Variants in SGMS2 observed in about 807,000 individuals in gnomAD.
SGMS2 encodes phosphatidylcholine:ceramide cholinephosphotransferase 2.
Under a neutral mutation model 43.8 loss-of-function variants are expected in SGMS2, and 21 were observed. That is an observed-to-expected ratio of 0.48 (90% confidence interval 0.34 to 0.69). The LOEUF (loss-of-function observed/expected upper bound fraction) is 0.69, where lower values mean the gene tolerates loss of function less well. Ranked by LOEUF, SGMS2 falls within the 30% of genes least tolerant of loss-of-function variation. The pLI is 0.01. For missense variants in SGMS2, 384 were observed against 443.2 expected (o/e 0.87, Z 1.20); for synonymous variants, 167 against 160.6 (o/e 1.04, Z -0.30).
intron 2 of SGMS2, chr4:107,863,649 G>C (rs1361294031): frequency 1.3e-5 from 2 of 152,188 alleles, no homozygotes; most frequent in Non-Finnish European, 2.9e-5. Context: ...CGATCATGGA[G>C]CATTGCTTTA....
intron 2 of SGMS2, among the ~76,000 whole-genome samples, chr4:107,888,964 G>A (rs1374837928): frequency 1.3e-5 from 2 of 152,124 alleles, no homozygotes; most frequent in South Asian, 2.1e-4. Context: ...TTGCAAAATT[G>A]TAACTGAAAC....
intron 2 of SGMS2, chr4:107,863,691 C>T (rs1727908992): frequency 6.6e-6 from 1 of 152,098 alleles, no homozygotes; most frequent in African/African-American, 2.4e-5. Flanking sequence ...TGCTCTGAAG[C>T]TAGATATGGG....
chr4:107,880,369 A>T (rs1578596134), intron 2 of SGMS2, among the ~76,000 whole-genome samples: 1 of 152,314 alleles, frequency 6.6e-6, no homozygotes, highest in Non-Finnish European at 1.5e-5. Flanking sequence ...ATACATGGTA[A>T]CTTTTTGGTA....
intron 4 of SGMS2, among the ~76,000 whole-genome samples, chr4:107,902,547 T>C (rs1009686267): frequency 3.9e-5 from 6 of 152,172 alleles, no homozygotes; most frequent in Non-Finnish European, 7.3e-5. Flanking sequence ...TGTTTCTCAC[T>C]GTCATCACAG....
rs1224699130 is a variant in SGMS2, at chr4:107,912,020, T to G, written c.*1467T>G. 1 of 152,136 alleles carries G rather than the reference T, an allele frequency of 6.6e-6. No homozygotes were observed. Among genetic ancestry groups the G allele is most frequent in the African/African-American group, 2.4e-5 (1 of 41,436 alleles). 9.4% of individuals were successfully genotyped at this position (152,136 alleles called of 1,614,324 possible). A position where few individuals can be genotyped will look rare whatever the true frequency, so the allele number is the denominator to read the frequency against. On this transcript the variant is annotated 3_prime_UTR_variant, in exon 7 of 7. Transcript: ENST00000690982. ...ATGCGGGTAGAAGGAGGCAGTTATG[T>G]TTATATTGAAGGTGAAATTTTTCTT... is the stretch of plus-strand genomic sequence containing the variant.
intron 1 of SGMS2, among the ~76,000 whole-genome samples, chr4:107,858,133 C>T (rs1361952273): frequency 6.6e-6 from 1 of 152,000 alleles, no homozygotes; most frequent in East Asian, 1.9e-4. Flanking sequence ...TTTTGAGTGA[C>T]ATTGACTGGT....
At chr4:107,878,533 C>A (rs1376960075) in intron 2 of SGMS2, among the ~76,000 whole-genome samples, 2 of 152,170 alleles carry the variant, frequency 1.3e-5, no homozygotes, top group African/African-American at 2.4e-5. Flanking sequence ...TTGGGTAGCC[C>A]TATCTATCTT....
chr4:107,856,168 A>G (rs1262281334), intron 1 of SGMS2, among the ~76,000 whole-genome samples: 1 of 152,206 alleles, frequency 6.6e-6, no homozygotes, highest in African/African-American at 2.4e-5. Flanking sequence ...ATCTCACAGT[A>G]GTATTTTGCT....
At chr4:107,865,743 G>C (rs548301177) in intron 2 of SGMS2, among the ~76,000 whole-genome samples, 1 of 152,228 alleles carries the variant, frequency 6.6e-6, no homozygotes, top group South Asian at 2.1e-4. Context: ...TAATAAACCT[G>C]AATCAGGAGC....
intron 4 of SGMS2, among the ~76,000 whole-genome samples, chr4:107,902,125 G>A (rs1578655400): frequency 6.8e-6 from 1 of 147,926 alleles, no homozygotes. Flanking sequence ...CTCCATATTG[G>A]TCAGATTGAT....
At chr4:107,848,362 A>G (rs1023863662) in intron 1 of SGMS2, among the ~76,000 whole-genome samples, 4 of 152,218 alleles carry the variant, frequency 2.6e-5, no homozygotes, top group African/African-American at 9.6e-5. Context: ...GCAATTATGA[A>G]TAAAGTTGCT....
intron 2 of SGMS2, among the ~76,000 whole-genome samples, chr4:107,872,353 C>T (rs1296939595): frequency 2.6e-5 from 4 of 152,014 alleles, no homozygotes; most frequent in Non-Finnish European, 5.9e-5. Flanking sequence ...TTTAACGTCC[C>T]ATCCTGCTTT....
chr4:107,857,343 G>A (rs1012935991), intron 1 of SGMS2, among the ~76,000 whole-genome samples: 1 of 151,888 alleles, frequency 6.6e-6, no homozygotes, highest in East Asian at 1.9e-4. Flanking sequence ...TTTTTGCTTG[G>A]ACTGGTGTTT....
At chr4:107,908,225 T>G in intron 5 of SGMS2, 1 of 182,894 alleles carries the variant, frequency 5.5e-6, no homozygotes, top group East Asian at 1.4e-4. Flanking sequence ...AGTGGCTCCT[T>G]TATGTGAGCC....
At chr4:107,873,785 G>GT (rs1728716260) in intron 2 of SGMS2, among the ~76,000 whole-genome samples, 1 of 152,060 alleles carries the variant, frequency 6.6e-6, no homozygotes, top group Non-Finnish European at 1.5e-5. Context: ...CCTGCCCACA[G>GT]TTCCCACCAC....
intron 2 of SGMS2, among the ~76,000 whole-genome samples, chr4:107,878,659 G>A (rs563712096): frequency 6.6e-6 from 1 of 151,756 alleles, no homozygotes; most frequent in Non-Finnish European, 1.5e-5. Flanking sequence ...ATATTGTACC[G>A]TGGATTATTA....
chr4:107,836,972 A>C (rs1158716357), intron 1 of SGMS2, among the ~76,000 whole-genome samples: 2 of 152,242 alleles, frequency 1.3e-5, no homozygotes, highest in Non-Finnish European at 2.9e-5. Flanking sequence ...AAGCCACTGC[A>C]TTTATCAAGC....
At chr4:107,884,486 A>G (rs993894976) in intron 2 of SGMS2, among the ~76,000 whole-genome samples, 3 of 97,698 alleles carry the variant, frequency 3.1e-5, no homozygotes, top group Admixed American at 2.2e-4. Flanking sequence ...GCTTTCTCCA[A>G]AAGATTTAAA....
chr4:107,880,864 A>G lies in SGMS2; in HGVS notation c.-244-14446A>G, dbSNP rs111601190. Among the ~76,000 whole-genome samples the G allele has an allele frequency of 1.1e-3, 169 of 147,580 alleles. 3 individuals are homozygous for G. The highest frequency in any genetic ancestry group is 1.7e-3 in the African/African-American group (70 of 40,130). On this transcript the variant is annotated intron_variant, in intron 2 of 6. Transcript: ENST00000690982. ...GCGAGACTGTCTCAAAAAAAAAAAAAAAAGAAAGAAAAAGAAAAAAGAAAA... is the reference window on the plus strand; with the variant it reads ...GCGAGACTGTCTCAAAAAAAAAAAAGAAAGAAAGAAAAAGAAAAAAGAAAA...
Sources: allele counts gnomAD v4.1 joint callset (sites outside exome capture counted in the v4.1 genomes callset), GRCh38; gene constraint gnomAD v4.1.1; transcripts MANE v1.5; gene names NCBI Gene and HGNC (gene_info 2026-07-23, HGNC 2026-07-21).